Variants in NRXN1 observed in about 807,000 individuals in gnomAD.
NRXN1 encodes neurexin-1.
NRXN1 carries 39 observed loss-of-function variants against 150.9 expected under a neutral mutation model. The observed-to-expected ratio is 0.26, with a 90% CI of 0.20 to 0.34. The LOEUF is 0.34. Ranked by LOEUF, NRXN1 falls within the 10% of genes least tolerant of loss-of-function variation. NRXN1 has a pLI of 1.00. For synonymous variants in NRXN1, 924 were observed against 757.0 expected, an observed-to-expected ratio of 1.22 and a Z score of -3.62; for missense variants, 1,815 against 1,949.9, an observed-to-expected ratio of 0.93 and a Z score of 1.30.
At chr2:50,377,175 G>A (rs563382319) in intron 17 of NRXN1, among the ~76,000 whole-genome samples, 12 of 152,172 alleles carry the variant, frequency 7.9e-5, no homozygotes, top group African/African-American at 2.9e-4. Flanking sequence ...ATGGTGGTTT[G>A]CTGCACCTAT....
intron 2 of NRXN1, among the ~76,000 whole-genome samples, chr2:51,017,788 T>G (rs1325372609): frequency 6.6e-6 from 1 of 152,068 alleles, no homozygotes; most frequent in Non-Finnish European, 1.5e-5. Flanking sequence ...ATTTGTAGCA[T>G]CACGTATAAT....
chr2:50,397,017 C>T (rs914770878), intron 17 of NRXN1, among the ~76,000 whole-genome samples: 28 of 152,010 alleles, frequency 1.8e-4, no homozygotes, highest in Non-Finnish European at 1.5e-4. Flanking sequence ...TAAGAAGCAG[C>T]ACGTTCCACT....
intron 17 of NRXN1, among the ~76,000 whole-genome samples, chr2:50,433,332 T>G (rs2085137690): frequency 6.6e-6 from 1 of 152,192 alleles, no homozygotes; most frequent in Admixed American, 6.5e-5. Context: ...AAACATTTCT[T>G]GAAATTTAAA....
At chr2:50,239,802 T>A (rs1443034254) in intron 17 of NRXN1, among the ~76,000 whole-genome samples, 4 of 147,842 alleles carry the variant, frequency 2.7e-5, no homozygotes, top group African/African-American at 9.8e-5. Context: ...AGGCCAACTG[T>A]TATCATATTC....
At chr2:50,331,821 T>G (rs1339045016) in intron 17 of NRXN1, among the ~76,000 whole-genome samples, 2 of 152,160 alleles carry the variant, frequency 1.3e-5, no homozygotes. Flanking sequence ...AAGTCGTAAG[T>G]TGAAGATATT....
At position 51,018,277 on chromosome 2, in the gene NRXN1, A is replaced by G. The variant is rs1280726882; in HGVS notation, c.772+9225T>C. ...CCGCTTTTAACTTTTGGATTGCCAG[A>G]TCCCTCCTGGGAACCAACCTAAGAA... On this transcript the variant is annotated intron_variant, in intron 2 of 22. Coordinates refer to ENST00000401669, the MANE Select transcript of NRXN1 (RefSeq NM_001330078.2). Among the ~76,000 whole-genome samples, 4 of 152,074 alleles carry G rather than the reference A, an allele frequency of 2.6e-5. No individual in the cohort carries two copies. The East Asian group carries it at 7.8e-4, about 30-fold the overall frequency.
intron 18 of NRXN1, among the ~76,000 whole-genome samples, chr2:50,176,724 T>C (rs969764020): frequency 3.3e-5 from 5 of 152,128 alleles, no homozygotes; most frequent in African/African-American, 1.2e-4. Flanking sequence ...GTACATAACA[T>C]TGAGAAAACA....
At chr2:50,920,027 C>A (rs1447911350) in intron 5 of NRXN1, 1 of 387,200 alleles carries the variant, frequency 2.6e-6, no homozygotes, top group South Asian at 2.0e-5. Flanking sequence ...AGAAGACTTA[C>A]AATCACCTTT....
chr2:50,265,977 A>G (rs2068789569), intron 17 of NRXN1, among the ~76,000 whole-genome samples: 2 of 92,940 alleles, frequency 2.2e-5, no homozygotes, highest in African/African-American at 5.3e-5. Flanking sequence ...TATTATTATT[A>G]TTATTATTAT....
chr2:50,642,249 A>G (rs1333042310), intron 5 of NRXN1, among the ~76,000 whole-genome samples: 2 of 152,064 alleles, frequency 1.3e-5, no homozygotes, highest in Non-Finnish European at 2.9e-5. Context: ...AGTTTACAAG[A>G]TATTTACAAT....
intron 2 of NRXN1, among the ~76,000 whole-genome samples, chr2:50,951,214 G>A (rs13404615): frequency 0.13 from 20,444 of 152,178 alleles, 1,570 homozygotes; most frequent in East Asian, 0.23. Context: ...GATGAGATGA[G>A]AGGAGATGAG....
chr2:50,672,662 G>T (rs1326099862), intron 5 of NRXN1, among the ~76,000 whole-genome samples: 1 of 151,870 alleles, frequency 6.6e-6, no homozygotes, highest in Non-Finnish European at 1.5e-5. Flanking sequence ...AAAAAAAGAG[G>T]CTAAATGAAG....
intron 5 of NRXN1, among the ~76,000 whole-genome samples, chr2:50,627,357 ATGTGTGTGTGTGTG>A (rs34870955): frequency 1.4e-5 from 2 of 143,516 alleles, no homozygotes; most frequent in Non-Finnish European, 3.0e-5. Context: ...TGGTTCATGT[ATGTGTGTGTGTGTG>A]TGTGTGTGTG....
intron 8 of NRXN1, among the ~76,000 whole-genome samples, chr2:50,593,967 T>A (rs1229036603): frequency 6.6e-6 from 1 of 152,202 alleles, no homozygotes; most frequent in East Asian, 1.9e-4. Context: ...CATTGATACA[T>A]TATTTTGAAA....
At chr2:50,028,655 A>C (rs1688740713) in intron 21 of NRXN1, among the ~76,000 whole-genome samples, 1 of 152,260 alleles carries the variant, frequency 6.6e-6, no homozygotes, top group East Asian at 1.9e-4. Flanking sequence ...CATGCCTGGC[A>C]GGTAGTCAGT....
chr2:50,151,070 C>A (rs145393468), intron 18 of NRXN1, among the ~76,000 whole-genome samples: 1 of 151,610 alleles, frequency 6.6e-6, no homozygotes, highest in South Asian at 2.1e-4. Flanking sequence ...AGTTTTTCAC[C>A]TCAAGGAAAA....
Position 50,090,538 on chromosome 2 carries a change from A to G in NRXN1, c.3718+785T>C, listed in dbSNP as rs536624134. 2.0e-5 allele frequency among the ~76,000 whole-genome samples: 3 copies of G among 152,268 alleles called. No homozygotes were observed. The East Asian group carries it at 5.8e-4, about 29-fold the overall frequency. Reference sequence around the variant, plus strand: ...ATATCTTTATACTTTTAATTTATATATTACTTAAAAAGCATATTTGTTTTA... The same window carrying G: ...ATATCTTTATACTTTTAATTTATATGTTACTTAAAAAGCATATTTGTTTTA... On this transcript the variant is annotated intron_variant, in intron 19 of 22. Transcript: ENST00000401669.
intron 5 of NRXN1, among the ~76,000 whole-genome samples, chr2:50,906,157 T>C (rs1683639526): frequency 6.6e-6 from 1 of 152,090 alleles, no homozygotes; most frequent in Non-Finnish European, 1.5e-5. Flanking sequence ...CTTTTTTCCA[T>C]TAAAAATACC....
chr2:50,009,618 A>C (rs757097629), intron 21 of NRXN1, among the ~76,000 whole-genome samples: 33 of 152,264 alleles, frequency 2.2e-4, no homozygotes, highest in African/African-American at 7.9e-4. Flanking sequence ...TAGCATATTT[A>C]CTAAGGTTTG....
Sources: allele counts gnomAD v4.1 joint callset (sites outside exome capture counted in the v4.1 genomes callset), GRCh38; gene constraint gnomAD v4.1.1; transcripts MANE v1.5; gene names NCBI Gene and HGNC (gene_info 2026-07-23, HGNC 2026-07-21).